Variants in STAG1 observed in about 807,000 individuals in gnomAD.
STAG1 encodes cohesin subunit SA-1.
In STAG1, 26 loss-of-function variants were observed where a neutral mutation model predicts 170.9. The ratio of observed to expected loss-of-function variants is 0.15; its 90% CI spans 0.11 to 0.21. STAG1 has a LOEUF of 0.21. Ranked by LOEUF, STAG1 falls within the 10% of genes least tolerant of loss-of-function variation. STAG1 has a pLI of 1.00. For synonymous variants in STAG1, 514 were observed against 497.7 expected, an observed-to-expected ratio of 1.03 and a Z score of -0.44; for missense variants, 964 against 1,509.5, an observed-to-expected ratio of 0.64 and a Z score of 5.99.
intron 16 of STAG1, among the ~76,000 whole-genome samples, chr3:136,430,852 C>CACACACACACAG: frequency 7.0e-6 from 1 of 141,940 alleles, no homozygotes; most frequent in South Asian, 2.3e-4. Context: ...CACACACACA[C>CACACACACACAG]AGCCTTTTAC....
chr3:136,479,386 G>A (rs994119433), intron 9 of STAG1, among the ~76,000 whole-genome samples: 1 of 123,806 alleles, frequency 8.1e-6, no homozygotes, highest in Non-Finnish European at 1.7e-5. Flanking sequence ...TTTCATCCAT[G>A]TCCCTACAAA....
chr3:136,493,634 A>G (rs532626816), intron 9 of STAG1, among the ~76,000 whole-genome samples: 1 of 150,252 alleles, frequency 6.7e-6, no homozygotes, highest in African/African-American at 2.5e-5. Context: ...CAGCTTGGAC[A>G]ACAGAGCGAG....
intron 28 of STAG1, among the ~76,000 whole-genome samples, chr3:136,352,466 C>G (rs577087721): frequency 4.9e-4 from 75 of 152,186 alleles, no homozygotes; most frequent in Non-Finnish European, 3.2e-4. Context: ...GGCCAAATGT[C>G]CAGTTTTTAA....
At chr3:136,428,347 G>A (rs962566524) in intron 16 of STAG1, among the ~76,000 whole-genome samples, 4 of 152,202 alleles carry the variant, frequency 2.6e-5, no homozygotes, top group Non-Finnish European at 5.9e-5. Flanking sequence ...GGTTTACACT[G>A]ACGCTGTAAA....
At chr3:136,560,143 A>G (rs1048275909) in intron 5 of STAG1, among the ~76,000 whole-genome samples, 1 of 152,134 alleles carries the variant, frequency 6.6e-6, no homozygotes, top group Non-Finnish European at 1.5e-5. Flanking sequence ...GCAATTCTGC[A>G]CTCCTAGAAA....
chr3:136,446,895 C>T (rs569220369), intron 14 of STAG1, among the ~76,000 whole-genome samples: 2 of 151,754 alleles, frequency 1.3e-5, no homozygotes, highest in African/African-American at 4.8e-5. Context: ...TTGCCTCCTG[C>T]GTTCAAGCAA....
chr3:136,465,358 T>A (rs1273179256), intron 12 of STAG1, among the ~76,000 whole-genome samples: 1 of 151,582 alleles, frequency 6.6e-6, no homozygotes, highest in African/African-American at 2.4e-5. Flanking sequence ...TAGCTGAGAT[T>A]ACAGGTGCCC....
chr3:136,451,892 G>C lies in STAG1; in HGVS notation c.1428+141C>G, dbSNP rs2088953150. On this transcript the variant is annotated intron_variant, in intron 14 of 33. Coordinates refer to ENST00000383202, the MANE Select transcript of STAG1 (RefSeq NM_005862.3). The stretch of plus-strand genomic sequence containing the variant: ...ACCTTTCCACAAAAGGTAAAGGACT[G>C]ATTCTATATCATGCAATTCATGAAG... The C allele has an allele frequency of 4.6e-5, 27 of 593,340 alleles. No homozygotes were observed. In the South Asian group the frequency reaches 5.9e-4, roughly 13 times the overall value. The allele number at this position is 593,340 out of a possible 1,614,324, so 36.8% of individuals were successfully genotyped here.
intron 4 of STAG1, among the ~76,000 whole-genome samples, chr3:136,580,415 G>A (rs973993746): frequency 6.6e-6 from 1 of 151,290 alleles, no homozygotes; most frequent in East Asian, 1.9e-4. Flanking sequence ...TTAAAGATTA[G>A]AAGCACTAAA....
intron 1 of STAG1, among the ~76,000 whole-genome samples, chr3:136,704,821 C>CAAAAAAAAAAAAAAAAAAAAAAAA (rs67207510): frequency 1.9e-5 from 1 of 51,424 alleles, no homozygotes; most frequent in Non-Finnish European, 3.6e-5. Flanking sequence ...GTCCCTGTCT[C>CAAAAAAAAAAAAAAAAAAAAAAAA]AAAAAAAAAA....
chr3:136,592,375 A>G (rs889126909), intron 4 of STAG1, among the ~76,000 whole-genome samples: 2 of 152,098 alleles, frequency 1.3e-5, no homozygotes, highest in Admixed American at 1.3e-4. Context: ...TTCCCCTGCT[A>G]GCACTCATTT....
intron 4 of STAG1, among the ~76,000 whole-genome samples, chr3:136,572,606 A>AC (rs1338974080): frequency 1.3e-5 from 2 of 150,344 alleles, no homozygotes; most frequent in Admixed American, 1.3e-4. Context: ...TGTCTCAAAA[A>AC]AAAAAAAAAA....
rs10592920 is a variant in STAG1 at position 136,642,264 on chromosome 3, C to CTTTTT, written c.-83-11288_-83-11284dup. Reference sequence around the variant, plus strand: ...ACGTACTGTGTAACAGACAGAATTTCTTTTTTTTTTTTTTTTTTTTTTTTT... The same window carrying CTTTTT: ...ACGTACTGTGTAACAGACAGAATTTCTTTTTTTTTTTTTTTTTTTTTTTTTTTTTT... On this transcript the variant is annotated intron_variant, in intron 1 of 33. Coordinates refer to ENST00000383202, the MANE Select transcript of STAG1 (RefSeq NM_005862.3). 1.5e-4 allele frequency among the ~76,000 whole-genome samples: 13 copies of CTTTTT among 84,954 alleles called. 1 individual carries two copies. The highest frequency in any genetic ancestry group is 5.0e-4 in the South Asian group (1 of 1,990). 55.7% of individuals were successfully genotyped at this position (84,954 alleles called of 152,430 possible). A position where few individuals can be genotyped will look rare whatever the true frequency, so the allele number is the denominator to read the frequency against.
rs577681410 is a variant in STAG1 at position 136,533,323 on chromosome 3, C to G, written c.471+8796G>C. 3.5e-4 allele frequency among the ~76,000 whole-genome samples: 54 copies of G among 152,118 alleles called. No homozygotes were observed. The East Asian group carries it at 0.01, about 28-fold the overall frequency. The stretch of plus-strand genomic sequence containing the variant: ...AGAATATTGGTAAAATGTTGGTAAC[C>G]ACTGAATTTTTTCTTTAAAAAAAGG... On this transcript the variant is annotated intron_variant, in intron 6 of 33. Coordinates refer to ENST00000383202, the MANE Select transcript of STAG1 (RefSeq NM_005862.3).
intron 4 of STAG1, among the ~76,000 whole-genome samples, chr3:136,586,638 A>G (rs936142889): frequency 6.6e-6 from 1 of 152,198 alleles, no homozygotes; most frequent in Non-Finnish European, 1.5e-5. Flanking sequence ...TCTTGGCACT[A>G]ATCAGCAGCT....
chr3:136,465,087 T>A (rs1237475424), intron 12 of STAG1, 99 bp from the exon 13 acceptor site: 4 of 725,818 alleles, frequency 5.5e-6, no homozygotes, highest in Non-Finnish European at 8.3e-6. Flanking sequence ...AGCTCAAGAC[T>A]TAATAATTGT....
At chr3:136,421,223 C>T in intron 19 of STAG1, 60 bp from the exon 20 acceptor site, 2 of 1,016,310 alleles carry the variant, frequency 2.0e-6, no homozygotes, top group Non-Finnish European at 2.8e-6. Flanking sequence ...TATATTACTA[C>T]TTATTGCCTA....
chr3:136,433,808 T>C, intron 15 of STAG1, 149 bp from the exon 16 acceptor site: 1 of 601,312 alleles, frequency 1.7e-6, no homozygotes, highest in Non-Finnish European at 2.8e-6. Flanking sequence ...CTATTTTTTT[T>C]TTTAAAGTAA....
chr3:136,340,834 T>C (rs573333989), intron 31 of STAG1, among the ~76,000 whole-genome samples: 1 of 152,346 alleles, frequency 6.6e-6, no homozygotes, highest in Non-Finnish European at 1.5e-5. Flanking sequence ...ATAACGGTTG[T>C]TAACATTTAT....
Sources: gnomAD v4.1 joint callset for allele counts (sites outside exome capture counted in the v4.1 genomes callset) on GRCh38, gnomAD v4.1.1 for gene constraint, MANE v1.5 for transcripts, NCBI Gene and HGNC (gene_info 2026-07-23, HGNC 2026-07-21) for gene names.